Variants in EBF1 observed in about 807,000 individuals in gnomAD.
EBF1 encodes EBF transcription factor 1.
EBF1 carries 10 observed loss-of-function variants against 68.4 expected under a neutral mutation model. The ratio of observed to expected loss-of-function variants is 0.15; its 90% CI spans 0.09 to 0.25. The LOEUF (loss-of-function observed/expected upper bound fraction) is 0.25. Among genes scored for constraint, EBF1 ranks in the 10% least tolerant of loss-of-function variants. The probability of loss-of-function intolerance (pLI) is 1.00; values close to 1 mark genes in which losing one functional copy is unlikely to be tolerated. For synonymous variants in EBF1, 298 were observed against 299.8 expected (o/e 0.99, Z 0.06); for missense variants, 509 against 794.4 (o/e 0.64, Z 4.32).
At chr5:158,701,140 G>T (rs192397610) in intron 15 of EBF1, among the ~76,000 whole-genome samples, 4 of 152,234 alleles carry the variant, frequency 2.6e-5, no homozygotes, top group Admixed American at 2.6e-4. Flanking sequence ...TAAAGACAGC[G>T]GGAGTTTTAA....
rs1772602637 is a variant in EBF1 at position 158,766,072 on chromosome 5, T to C, written c.1036+11341A>G. 2.0e-5 allele frequency among the ~76,000 whole-genome samples: 3 copies of C among 152,204 alleles called. No homozygotes were observed. The South Asian group carries it at 6.2e-4, about 32-fold the overall frequency. On this transcript the variant is annotated intron_variant, in intron 10 of 15. Coordinates refer to ENST00000313708, the MANE Select transcript of EBF1 (RefSeq NM_024007.5). ...GGCATGAAATAATCATAATCAATGG[T>C]GGTTTAGTAATGCTTACGGAGGTGC...
intron 8 of EBF1, among the ~76,000 whole-genome samples, chr5:158,801,990 T>A (rs1780680388): frequency 6.6e-6 from 1 of 152,176 alleles, no homozygotes; most frequent in Non-Finnish European, 1.5e-5. Context: ...ATGATCTATT[T>A]CTTTGATAGA....
chr5:158,853,457 G>T (rs917014463), intron 6 of EBF1, among the ~76,000 whole-genome samples: 3 of 152,204 alleles, frequency 2.0e-5, no homozygotes, highest in African/African-American at 7.2e-5. Context: ...TGCAGCTGGG[G>T]TTGCTGGAAA....
At chr5:159,026,574 A>G (rs1358373491) in intron 6 of EBF1, among the ~76,000 whole-genome samples, 1 of 152,124 alleles carries the variant, frequency 6.6e-6, no homozygotes, top group African/African-American at 2.4e-5. Context: ...TACCATCCCA[A>G]CGAAGTCCAG....
intron 6 of EBF1, among the ~76,000 whole-genome samples, chr5:158,919,972 A>T (rs1316316316): frequency 6.6e-6 from 1 of 152,208 alleles, no homozygotes; most frequent in African/African-American, 2.4e-5. Context: ...AATCTAGAGG[A>T]AAAAAATCAG....
chr5:158,899,520 T>C (rs542801122), intron 6 of EBF1, among the ~76,000 whole-genome samples: 5 of 152,338 alleles, frequency 3.3e-5, no homozygotes, highest in South Asian at 2.1e-4. Context: ...GTTTCTGCAA[T>C]GGAAAAAGAA....
At chr5:158,968,626 T>C (rs1020234187) in intron 6 of EBF1, among the ~76,000 whole-genome samples, 10 of 152,190 alleles carry the variant, frequency 6.6e-5, no homozygotes, top group East Asian at 5.8e-4. Context: ...ACAAAACACA[T>C]ACTTAAAAAA....
At chr5:159,027,607 C>T (rs1767949291) in intron 6 of EBF1, among the ~76,000 whole-genome samples, 1 of 152,220 alleles carries the variant, frequency 6.6e-6, no homozygotes, top group Non-Finnish European at 1.5e-5. Context: ...CTGGCTGAGG[C>T]TTGGGAATCT....
At chr5:158,994,729 C>T (rs1761070650) in intron 6 of EBF1, among the ~76,000 whole-genome samples, 1 of 152,118 alleles carries the variant, frequency 6.6e-6, no homozygotes, top group African/African-American at 2.4e-5. Context: ...ACCTCAAAAT[C>T]CCAAACATGT....
chr5:158,879,652 T>C (rs1798462744), intron 6 of EBF1, among the ~76,000 whole-genome samples: 3 of 152,276 alleles, frequency 2.0e-5, no homozygotes, highest in Admixed American at 2.0e-4. Context: ...ACATGGCACA[T>C]GTATACATAT....
intron 6 of EBF1, among the ~76,000 whole-genome samples, chr5:158,869,191 T>C (rs1226956422): frequency 6.6e-6 from 1 of 152,184 alleles, no homozygotes; most frequent in Non-Finnish European, 1.5e-5. Flanking sequence ...GAATGCTGTC[T>C]GCTCTGGTTG....
chr5:159,035,786 A>G (rs1185634013), intron 6 of EBF1, among the ~76,000 whole-genome samples: 1 of 152,230 alleles, frequency 6.6e-6, no homozygotes, highest in Admixed American at 6.5e-5. Context: ...GAATGTGAGG[A>G]AACAGAATTT....
intron 7 of EBF1, among the ~76,000 whole-genome samples, chr5:158,836,201 T>A (rs1289016205): frequency 6.6e-6 from 1 of 152,168 alleles, no homozygotes. Context: ...CCAGCAGACA[T>A]CTGGACAGTT....
chr5:158,860,098 GT>G (rs1173773864), intron 6 of EBF1, among the ~76,000 whole-genome samples: 1 of 152,172 alleles, frequency 6.6e-6, no homozygotes, highest in East Asian at 1.9e-4. Context: ...TAAACTTCTA[GT>G]TCCGCACCTA....
chr5:158,703,602 C>CA (rs11301371), intron 15 of EBF1, among the ~76,000 whole-genome samples: 1,805 of 126,344 alleles, frequency 0.014, 28 homozygotes, highest in African/African-American at 0.048. Flanking sequence ...GTTGCTTTTT[C>CA]AAAAAAAAAA....
intron 6 of EBF1, among the ~76,000 whole-genome samples, chr5:158,967,675 G>T (rs1754450704): frequency 6.6e-6 from 1 of 152,144 alleles, no homozygotes; most frequent in Non-Finnish European, 1.5e-5. Context: ...AGGTGGTTTT[G>T]GGGAATGGGG....
At chr5:158,770,526 T>C (rs1561874876) in intron 10 of EBF1, among the ~76,000 whole-genome samples, 2 of 152,180 alleles carry the variant, frequency 1.3e-5, no homozygotes, top group African/African-American at 4.8e-5. Flanking sequence ...CCATGGCTTA[T>C]AAAGTTTTGC....
intron 8 of EBF1, among the ~76,000 whole-genome samples, chr5:158,822,102 G>A (rs767199044): frequency 7.2e-5 from 11 of 152,134 alleles, no homozygotes; most frequent in Non-Finnish European, 1.6e-4. Flanking sequence ...GCAATCAGGT[G>A]ATCATTTGTG....
chr5:158,924,865 A>AAG (rs1198779770), intron 6 of EBF1, among the ~76,000 whole-genome samples: 2 of 151,288 alleles, frequency 1.3e-5, no homozygotes, highest in African/African-American at 4.9e-5. Context: ...AAAAAAAAAA[A>AAG]AAAAAAAAAA....
Sources: allele counts gnomAD v4.1 joint callset (sites outside exome capture counted in the v4.1 genomes callset), GRCh38; gene constraint gnomAD v4.1.1; transcripts MANE v1.5; gene names NCBI Gene and HGNC (gene_info 2026-07-23, HGNC 2026-07-21).